Variants in MAP3K4 observed in about 807,000 individuals in gnomAD.
MAP3K4 encodes the protein MAP three kinase 1.
Under a neutral mutation model 185.6 loss-of-function variants are expected in MAP3K4, and 67 were observed. That is an observed-to-expected ratio of 0.36 (90% confidence interval 0.30 to 0.44). The LOEUF is 0.44. Ranked by LOEUF, MAP3K4 falls within the 20% of genes least tolerant of loss-of-function variation. The pLI is 1.00. For synonymous variants in MAP3K4, 702 were observed against 710.4 expected (o/e 0.99, Z 0.19); for missense variants, 1,551 against 1,995.1 (o/e 0.78, Z 4.24).
In MAP3K4 at chr6:161,080,624, A is replaced by G; in HGVS notation, c.2098-257A>G. 2.4e-6 allele frequency: 1 copy of G among 415,252 alleles called. No individual in the cohort carries two copies. Among genetic ancestry groups the G allele is most frequent in the South Asian group, 2.5e-5 (1 of 39,752 alleles). The allele number at this position is 415,252 out of a possible 1,614,324, so 25.7% of individuals were successfully genotyped here. A position where few individuals can be genotyped will look rare whatever the true frequency, so the allele number is the denominator to read the frequency against. On this transcript the variant is annotated intron_variant, in intron 5 of 26. Transcript: ENST00000392142. This position sits in a 1 kb window ranked among gnomAD's most constrained non-coding sequence, Gnocchi z 4.8. The stretch of plus-strand genomic sequence containing the variant: ...TTCCCCTTTATTGTAGATTGTGAAC[A>G]TTTTTGTTGTTAGGATTTTGAAGGG...
In MAP3K4 at chr6:161,074,946, C is replaced by CAACA. The variant is rs897271666; in HGVS notation, c.2097+1334_2097+1335insAACA. On this transcript the variant is annotated intron_variant, in intron 5 of 26. Coordinates refer to ENST00000392142, the MANE Select transcript of MAP3K4 (RefSeq NM_005922.4). This position sits in a 1 kb window ranked among gnomAD's most constrained non-coding sequence, Gnocchi z 5.0. ...TTCCCCTGCCTTTTGTTGACCAGAC[C>CAACA]TGTTGCATGGCCTCACTGTTGCCAT... Among the ~76,000 whole-genome samples the CAACA allele has an allele frequency of 6.6e-6, 1 of 152,184 alleles. No homozygotes were observed. Among genetic ancestry groups the CAACA allele is most frequent in the Non-Finnish European group, 1.5e-5 (1 of 68,018 alleles).
chr6:161,078,599 G>T (rs1226218640), intron 5 of MAP3K4, among the ~76,000 whole-genome samples: 1 of 152,170 alleles, frequency 6.6e-6, no homozygotes, highest in African/African-American at 2.4e-5. Context: ...TTGAACTGGT[G>T]ATTTGGGGGT....
intron 1 of MAP3K4, among the ~76,000 whole-genome samples, chr6:161,016,196 T>C (rs1241924408): frequency 2.0e-5 from 3 of 152,150 alleles, no homozygotes; most frequent in Non-Finnish European, 4.4e-5. Context: ...TGTTTCACTA[T>C]TTTTTTGTCT....
At chr6:160,994,747 C>G (rs1375370432) in intron 1 of MAP3K4, among the ~76,000 whole-genome samples, 3 of 152,176 alleles carry the variant, frequency 2.0e-5, no homozygotes, top group Non-Finnish European at 4.4e-5. Flanking sequence ...GTTGCCCAGG[C>G]TGGAGTGCAG....
intron 1 of MAP3K4, among the ~76,000 whole-genome samples, chr6:160,992,788 A>G (rs1780796188): frequency 6.6e-6 from 1 of 152,070 alleles, no homozygotes; most frequent in Admixed American, 6.5e-5. Flanking sequence ...TTTTTCTTCC[A>G]TACTCTATTA....
Position 161,093,759 on chromosome 6 carries a change from C to G in MAP3K4, c.3349-14C>G, listed in dbSNP as rs1777436525. The G allele has an allele frequency of 6.4e-7, 1 of 1,567,104 alleles. No individual in the cohort carries two copies. The highest frequency in any genetic ancestry group is 8.8e-7 in the Non-Finnish European group (1 of 1,142,730). ...GTTTTCTCTTTACCTTTCCCATTTT[C>G]TTTTGGTTTCTAGAGTTTACAAGCC... On this transcript the variant is annotated splice_polypyrimidine_tract_variant and intron_variant, in intron 14 of 26. Coordinates refer to ENST00000392142, the MANE Select transcript of MAP3K4 (RefSeq NM_005922.4). This position sits in a 1 kb window ranked among gnomAD's most constrained non-coding sequence, Gnocchi z 5.2.
At chr6:161,055,876 C>G (rs574365816) in intron 3 of MAP3K4, among the ~76,000 whole-genome samples, 1 of 152,318 alleles carries the variant, frequency 6.6e-6, no homozygotes, top group African/African-American at 2.4e-5. Flanking sequence ...TCACCACACA[C>G]AACCCACTCT....
chr6:161,089,417 C>T lies in MAP3K4; in HGVS notation c.2919C>T (p.Cys973=). The change falls in exon 11 of 27, where the codon TGC becomes TGT. Residue 973 remains cysteine (C), a synonymous_variant. Coordinates refer to ENST00000392142, the MANE Select transcript of MAP3K4 (RefSeq NM_005922.4). ...CCATTGAGGGACTTATGACTCTGTG[C>T]CAGGAGCAGACATCCAGTCAGCCGG... is the stretch of plus-strand genomic sequence containing the variant. ...QQSIEGLMTL[C]QEQTSSQPVI... 1.9e-6 allele frequency: 3 copies of T among 1,614,160 alleles called. No homozygotes were observed. The highest frequency in any genetic ancestry group is 2.2e-5 in the East Asian group (1 of 44,876).
chr6:161,006,416 A>G (rs932636125), intron 1 of MAP3K4, among the ~76,000 whole-genome samples: 2 of 152,112 alleles, frequency 1.3e-5, no homozygotes, highest in Admixed American at 1.3e-4. Flanking sequence ...TTCCCTAAAT[A>G]ATTCAGTGTA....
intron 3 of MAP3K4, among the ~76,000 whole-genome samples, chr6:161,059,258 C>G (rs1314995521): frequency 2.0e-5 from 3 of 152,068 alleles, no homozygotes; most frequent in Non-Finnish European, 4.4e-5. Flanking sequence ...GCCTCAGCCT[C>G]CTGAGTAGCT....
intron 2 of MAP3K4, among the ~76,000 whole-genome samples, chr6:161,041,032 G>A (rs1298267993): frequency 6.6e-6 from 1 of 152,224 alleles, no homozygotes; most frequent in Admixed American, 6.5e-5. Flanking sequence ...GCCACCTGGA[G>A]GAGAAGGTGA....
chr6:161,071,196 GATAA>G lies in MAP3K4; in HGVS notation c.1950+349_1950+352del, dbSNP rs1371892615. Among the ~76,000 whole-genome samples, 2 of 152,116 alleles carry G rather than the reference GATAA, an allele frequency of 1.3e-5. No individual in the cohort carries two copies. Among genetic ancestry groups the G allele is most frequent in the Non-Finnish European group, 2.9e-5 (2 of 68,006 alleles). On this transcript the variant is annotated intron_variant, in intron 4 of 26. Transcript: ENST00000392142. The surrounding 1 kb of genome is among the most constrained non-coding windows in gnomAD (Gnocchi z 4.6). Reference sequence around the variant, plus strand: ...TTTCTATTTGAAGTACATGTAAACAGATAAATGTCTAGAATAGGCATGGGGAGGG... The same window carrying G: ...TTTCTATTTGAAGTACATGTAAACAGATGTCTAGAATAGGCATGGGGAGGG...
intron 1 of MAP3K4, among the ~76,000 whole-genome samples, chr6:161,011,127 G>A (rs1420653678): frequency 3.9e-5 from 6 of 152,192 alleles, no homozygotes; most frequent in Admixed American, 3.3e-4. Flanking sequence ...ACAAGGTGCT[G>A]TGTTACTTCA....
chr6:160,999,838 C>T lies in MAP3K4; in HGVS notation c.152+7755C>T, dbSNP rs138363812. ...ATGAATTGGACTCAACAGGATCAAA[C>T]GAGATGAAAGATTTGTTTTTAGAAA... On this transcript the variant is annotated intron_variant, in intron 1 of 26. Transcript: ENST00000392142. 6.7e-3 allele frequency among the ~76,000 whole-genome samples: 1,024 copies of T among 152,226 alleles called. 10 individuals carry two copies. The highest frequency in any genetic ancestry group is 0.023 in the African/African-American group (972 of 41,514).
Position 160,991,992 on chromosome 6 carries a change from G to A in MAP3K4, c.61G>A (p.Ala21Thr). The stretch of plus-strand genomic sequence containing the variant: ...CGCCTTTGCCGTCACGCCTGCCGCC[G>A]CCATGGAGGAGCCGCCGCCACCGCC... ...PPAFAVTPAAAMEEPPPPPPP... is the reference protein window; with the variant it reads ...PPAFAVTPAATMEEPPPPPPP... The change falls in exon 1 of 27, where the codon GCC (alanine) becomes ACC (threonine). Residue 21 changes from alanine to threonine, a missense_variant. Coordinates refer to ENST00000392142, the MANE Select transcript of MAP3K4 (RefSeq NM_005922.4). The surrounding 1 kb of genome is among the most constrained non-coding windows in gnomAD (Gnocchi z 5.7). 6.5e-7 allele frequency: 1 copy of A among 1,542,580 alleles called. No individual in the cohort carries two copies.
chr6:161,089,939 T>C (rs1475072292), intron 11 of MAP3K4, among the ~76,000 whole-genome samples: 3 of 152,176 alleles, frequency 2.0e-5, no homozygotes, highest in African/African-American at 7.2e-5. Context: ...CCTTTCAAAG[T>C]TTATGACAAG....
intron 1 of MAP3K4, 160 bp downstream of exon 1, chr6:160,992,243 AG>A: frequency 9.9e-7 from 1 of 1,013,956 alleles, no homozygotes; most frequent in Non-Finnish European, 1.3e-6. Context: ...CCTGGGTCCC[AG>A]GGGACCGCGT....
intron 2 of MAP3K4, among the ~76,000 whole-genome samples, chr6:161,044,355 T>A (rs1783622971): frequency 1.3e-5 from 2 of 152,234 alleles, no homozygotes; most frequent in Non-Finnish European, 2.9e-5. Flanking sequence ...ATTTGACTTT[T>A]GTTAATTGCA....
intron 1 of MAP3K4, among the ~76,000 whole-genome samples, chr6:161,016,281 A>G (rs571504193): frequency 2.6e-5 from 4 of 151,970 alleles, no homozygotes; most frequent in African/African-American, 9.7e-5. Flanking sequence ...ATTTGCAAAT[A>G]TTTTCTCCCA....
Sources: gnomAD v4.1 joint callset for allele counts (sites outside exome capture counted in the v4.1 genomes callset) on GRCh38, gnomAD v4.1.1 for gene constraint, Gnocchi (gnomAD v3.1) non-coding constraint, MANE v1.5 for transcripts, NCBI Gene and HGNC (gene_info 2026-07-23, HGNC 2026-07-21) for gene names.